ADARB2: variants seen among roughly 807,000 people sequenced by gnomAD.
The protein encoded by ADARB2 is inactive double-stranded RNA-specific editase B2.
In ADARB2, 25 loss-of-function variants were observed where a neutral mutation model predicts 62.2. That is an observed-to-expected ratio of 0.40 (90% CI 0.29 to 0.56). ADARB2 has a LOEUF of 0.56. Ranked by LOEUF, ADARB2 falls within the 20% of genes least tolerant of loss-of-function variation. The pLI is 0.43. For missense variants in ADARB2, 1,071 were observed against 1,077.4 expected, an observed-to-expected ratio of 0.99 and a Z score of 0.08; for synonymous variants, 572 against 500.8, an observed-to-expected ratio of 1.14 and a Z score of -1.90.
intron 1 of ADARB2, among the ~76,000 whole-genome samples, chr10:1,453,072 C>T (rs905608968): frequency 3.9e-5 from 6 of 152,168 alleles, no homozygotes; most frequent in Admixed American, 1.3e-4. Flanking sequence ...GGGTCTGTGA[C>T]GCCTAGTCCC....
intron 1 of ADARB2, among the ~76,000 whole-genome samples, chr10:1,629,809 T>G (rs1157064498): frequency 6.6e-6 from 1 of 152,058 alleles, no homozygotes; most frequent in Non-Finnish European, 1.5e-5. Context: ...ACAACAGCCT[T>G]GCACATGCCA....
At chr10:1,316,772 C>T (rs1831743646) in intron 3 of ADARB2, among the ~76,000 whole-genome samples, 1 of 152,182 alleles carries the variant, frequency 6.6e-6, no homozygotes, top group Non-Finnish European at 1.5e-5. Flanking sequence ...ATGAAAATGC[C>T]ATTTGGCTAA....
intron 1 of ADARB2, among the ~76,000 whole-genome samples, chr10:1,735,205 T>C (rs1278570197): frequency 6.6e-6 from 1 of 152,148 alleles, no homozygotes; most frequent in Non-Finnish European, 1.5e-5. Context: ...GCTATGAAAA[T>C]TAAGGGACTT....
chr10:1,348,372 A>G (rs1248304044), intron 3 of ADARB2, among the ~76,000 whole-genome samples: 1 of 151,998 alleles, frequency 6.6e-6, no homozygotes, highest in Admixed American at 6.5e-5. Flanking sequence ...GGTGACTCTG[A>G]GCCTACAGGT....
rs1588233227 is a variant in ADARB2, at chr10:1,364,059, C to T, written c.188-142G>A. ...CAGGCCTGAGAAATGACTGTGGCCG[C>T]CAGAGAGAGGGAGCCCCTGGGAGCC... On this transcript the variant is annotated intron_variant, in intron 2 of 9. Coordinates refer to ENST00000381312, the MANE Select transcript of ADARB2 (RefSeq NM_018702.4). 1.2e-5 allele frequency: 15 copies of T among 1,219,678 alleles called. No individual in the cohort carries two copies. In the East Asian group the frequency reaches 3.9e-4, roughly 32 times the overall value. The allele number at this position is 1,219,678 out of a possible 1,614,324, so 75.6% of individuals were successfully genotyped here.
intron 1 of ADARB2, among the ~76,000 whole-genome samples, chr10:1,399,091 G>A (rs754099618): frequency 9.9e-5 from 15 of 152,202 alleles, no homozygotes; most frequent in Non-Finnish European, 1.8e-4. Flanking sequence ...AATGAACTGA[G>A]AAGATTTGCA....
chr10:1,468,533 TCGGAATCCC>T (rs1831285080), intron 1 of ADARB2, among the ~76,000 whole-genome samples: 1 of 152,216 alleles, frequency 6.6e-6, no homozygotes, highest in African/African-American at 2.4e-5. Context: ...TATTCTGGCA[TCGGAATCCC>T]CCAGCGCTGC....
chr10:1,503,921 A>G (rs994754527), intron 1 of ADARB2, among the ~76,000 whole-genome samples: 2 of 152,144 alleles, frequency 1.3e-5, no homozygotes, highest in South Asian at 4.1e-4. Flanking sequence ...CGCTTCTTGT[A>G]CAGCCTGCAG....
At chr10:1,383,916 T>A (rs983927844) in intron 1 of ADARB2, among the ~76,000 whole-genome samples, 5 of 152,248 alleles carry the variant, frequency 3.3e-5, no homozygotes, top group Non-Finnish European at 5.9e-5. Flanking sequence ...TCTGGATTTT[T>A]CTTCCTTGCC....
rs372178122 is a variant in ADARB2 at position 1,598,185 on chromosome 10, G to A, written c.100+138866C>T. On this transcript the variant is annotated intron_variant, in intron 1 of 9. Coordinates refer to ENST00000381312, the MANE Select transcript of ADARB2 (RefSeq NM_018702.4). ...TGCTGGGTGCCCTGTTTACAATTCC[G>A]GTGGTGGGTGCACCGAGACATTCCC... Among the ~76,000 whole-genome samples the A allele has an allele frequency of 8.6e-4, 130 of 151,662 alleles. 2 individuals carry two copies. In the South Asian group the frequency reaches 0.027, roughly 31 times the overall value.
intron 3 of ADARB2, among the ~76,000 whole-genome samples, chr10:1,293,874 A>G (rs1016975820): frequency 3.3e-5 from 5 of 152,114 alleles, no homozygotes; most frequent in African/African-American, 1.2e-4. Flanking sequence ...CAGCCTGTAA[A>G]ACAGACTTTA....
chr10:1,399,198 A>G (rs1832641378), intron 1 of ADARB2, among the ~76,000 whole-genome samples: 1 of 152,136 alleles, frequency 6.6e-6, no homozygotes, highest in South Asian at 2.1e-4. Flanking sequence ...CCCTGTGCTG[A>G]AGTGCCGGCT....
chr10:1,704,598 G>A lies in ADARB2; in HGVS notation c.100+32453C>T, dbSNP rs1245077573. Among the ~76,000 whole-genome samples, 3 of 152,162 alleles carry A rather than the reference G, an allele frequency of 2.0e-5. No homozygotes were observed. The highest frequency in any genetic ancestry group is 7.2e-5 in the African/African-American group (3 of 41,434). On this transcript the variant is annotated intron_variant, in intron 1 of 9. Coordinates refer to ENST00000381312, the MANE Select transcript of ADARB2 (RefSeq NM_018702.4). The surrounding 1 kb of genome is among the most constrained non-coding windows in gnomAD (Gnocchi z 5.6). ...TGCTGTGCAGCCCAGCTCCTAACAG[G>A]TCCTGGACCAGTACCAGTCCTTGGC...
At chr10:1,270,785 T>C (rs1831253606) in intron 4 of ADARB2, among the ~76,000 whole-genome samples, 170 bp downstream of exon 4, 1 of 152,210 alleles carries the variant, frequency 6.6e-6, no homozygotes, top group Admixed American at 6.5e-5. Flanking sequence ...GGATGGCTTT[T>C]CCTGCTAATA....
At chr10:1,539,523 A>C (rs1832382820) in intron 1 of ADARB2, among the ~76,000 whole-genome samples, 1 of 152,196 alleles carries the variant, frequency 6.6e-6, no homozygotes, top group Non-Finnish European at 1.5e-5. Context: ...CATTTCTCTC[A>C]AACAGGAAAT....
intron 1 of ADARB2, among the ~76,000 whole-genome samples, chr10:1,641,633 C>G (rs1377769398): frequency 6.6e-6 from 1 of 152,096 alleles, no homozygotes; most frequent in Admixed American, 6.5e-5. Flanking sequence ...GGCCCCTCCT[C>G]CATCTGCACG....
At chr10:1,518,965 A>C (rs1832040944) in intron 1 of ADARB2, among the ~76,000 whole-genome samples, 1 of 151,912 alleles carries the variant, frequency 6.6e-6, no homozygotes, top group Admixed American at 6.5e-5. Flanking sequence ...ATTCCACGTA[A>C]CGTCTGCATG....
chr10:1,647,321 G>T (rs1211275146), intron 1 of ADARB2, among the ~76,000 whole-genome samples: 1 of 150,094 alleles, frequency 6.7e-6, no homozygotes, highest in Admixed American at 6.6e-5. Flanking sequence ...TGAAAAAAAA[G>T]TGTGTGTGCA....
intron 1 of ADARB2, among the ~76,000 whole-genome samples, chr10:1,391,947 G>A (rs1301088987): frequency 6.6e-6 from 1 of 151,606 alleles, no homozygotes; most frequent in Non-Finnish European, 1.5e-5. Flanking sequence ...TATATTTTTT[G>A]TAGAGATGAG....
Sources: gnomAD v4.1 joint callset for allele counts (sites outside exome capture counted in the v4.1 genomes callset) on GRCh38, gnomAD v4.1.1 for gene constraint, Gnocchi (gnomAD v3.1) non-coding constraint, MANE v1.5 for transcripts, NCBI Gene and HGNC (gene_info 2026-07-23, HGNC 2026-07-21) for gene names.